KIAA2012: variants seen among roughly 807,000 people sequenced by gnomAD.
KIAA2012 encodes KIAA2012, also known as uncharacterized protein KIAA2012.
In KIAA2012, 125 loss-of-function variants were observed where a neutral mutation model predicts 150.6. The ratio of observed to expected loss-of-function variants is 0.83; its 90% confidence interval spans 0.72 to 0.96. The LOEUF is 0.96. Among genes scored for constraint, KIAA2012 ranks in the 40% least tolerant of loss-of-function variants. The probability of loss-of-function intolerance (pLI) is 0.00; values close to 1 mark genes in which losing one functional copy is unlikely to be tolerated. For missense variants in KIAA2012, 1,219 were observed against 1,354.9 expected (o/e 0.90, Z 1.57); for synonymous variants, 462 against 504.7 (o/e 0.92, Z 1.13).
chr2:202,157,600 T>C (rs1273432860), intron 14 of KIAA2012, among the ~76,000 whole-genome samples: 1 of 152,214 alleles, frequency 6.6e-6, no homozygotes, highest in East Asian at 1.9e-4. Context: ...ATTTATTTAA[T>C]TCATAAAATG....
intron 12 of KIAA2012, chr2:202,125,901 A>G: frequency 2.4e-6 from 1 of 412,396 alleles, no homozygotes; most frequent in Non-Finnish European, 4.7e-6. Flanking sequence ...ATAGTCTTTG[A>G]TTAACAGAGA....
intron 13 of KIAA2012, among the ~76,000 whole-genome samples, chr2:202,144,006 G>C (rs1414174385): frequency 2.0e-5 from 3 of 152,206 alleles, no homozygotes; most frequent in Admixed American, 1.3e-4. Context: ...TGTCAGTAAA[G>C]AGTATCAAAG....
intron 16 of KIAA2012, among the ~76,000 whole-genome samples, chr2:202,185,849 A>C (rs1692217388): frequency 6.6e-6 from 1 of 152,192 alleles, no homozygotes; most frequent in Non-Finnish European, 1.5e-5. Context: ...GACTTCTCGT[A>C]TAGGCTTTTA....
chr2:202,088,086 G>A lies in KIAA2012; in HGVS notation c.370-2684G>A, dbSNP rs529748956. ...TTGCTAGAAACAATGTAAAGTATAG[G>A]GAGGATGCATATGGGCTATACTGTA... On this transcript the variant is annotated intron_variant, in intron 2 of 23. Coordinates refer to ENST00000498697, the MANE Select transcript of KIAA2012 (RefSeq NM_001277372.4). Among the ~76,000 whole-genome samples the A allele has an allele frequency of 8.6e-5, 13 of 152,016 alleles. No individual in the cohort carries two copies. The South Asian group carries it at 2.5e-3, about 29-fold the overall frequency.
chr2:202,124,019 T>C (rs1559212520), intron 11 of KIAA2012, among the ~76,000 whole-genome samples: 3 of 152,036 alleles, frequency 2.0e-5, no homozygotes, highest in South Asian at 4.2e-4. Context: ...TGAAACCCTG[T>C]TTCTACTAAA....
chr2:202,120,867 A>G (rs1690638018), intron 11 of KIAA2012, among the ~76,000 whole-genome samples: 1 of 152,180 alleles, frequency 6.6e-6, no homozygotes, highest in Non-Finnish European at 1.5e-5. Flanking sequence ...AATATTTATA[A>G]AAGGAATAAT....
chr2:202,179,989 C>T (rs1559230243), intron 15 of KIAA2012: 6 of 631,258 alleles, frequency 9.5e-6, no homozygotes, highest in Admixed American at 4.2e-5. Flanking sequence ...GGCTGCCAGC[C>T]GGGTGGGCGC....
intron 11 of KIAA2012, among the ~76,000 whole-genome samples, chr2:202,123,357 CCA>C (rs1420351832): frequency 6.6e-6 from 1 of 152,186 alleles, no homozygotes; most frequent in African/African-American, 2.4e-5. Context: ...TCCGTTTAAT[CCA>C]GAGTGTCTGT....
intron 22 of KIAA2012, among the ~76,000 whole-genome samples, chr2:202,200,315 C>T (rs1256610991): frequency 1.3e-5 from 2 of 152,056 alleles, no homozygotes; most frequent in Non-Finnish European, 2.9e-5. Context: ...TTTCTGGCAC[C>T]AAAACAAATT....
chr2:202,166,988 C>T (rs1318278782), intron 15 of KIAA2012, among the ~76,000 whole-genome samples: 6 of 152,068 alleles, frequency 3.9e-5, no homozygotes, highest in East Asian at 3.9e-4. Flanking sequence ...CTGGCTAACA[C>T]GGTGAAACCC....
At chr2:202,138,529 G>A in intron 13 of KIAA2012, 21 bp downstream of exon 13, 1 of 1,530,150 alleles carries the variant, frequency 6.5e-7, no homozygotes, top group African/African-American at 1.4e-5. Context: ...GACTCTGAAT[G>A]AGGATGACAC....
rs369799090 is a variant in KIAA2012 at position 202,162,416 on chromosome 2, A to G, written c.2047-2868A>G. 2.9e-3 allele frequency among the ~76,000 whole-genome samples: 439 copies of G among 151,830 alleles called. 3 individuals carry two copies. Among genetic ancestry groups the G allele is most frequent in the African/African-American group, 9.9e-3 (412 of 41,420 alleles). ...CAGCCTCCCGAGTAGCTGGGACTAC[A>G]GGCACGCACCACCACACCTGGCTAA... On this transcript the variant is annotated intron_variant, in intron 14 of 23. Coordinates refer to ENST00000498697, the MANE Select transcript of KIAA2012 (RefSeq NM_001277372.4).
At chr2:202,123,548 G>A (rs1690707132) in intron 11 of KIAA2012, among the ~76,000 whole-genome samples, 1 of 152,164 alleles carries the variant, frequency 6.6e-6, no homozygotes, top group African/African-American at 2.4e-5. Flanking sequence ...ACGTGACCGT[G>A]TGTGTGCCCT....
chr2:202,088,396 G>C (rs1689629756), intron 2 of KIAA2012, among the ~76,000 whole-genome samples: 2 of 152,214 alleles, frequency 1.3e-5, no homozygotes, highest in African/African-American at 4.8e-5. Context: ...ACATACCTCA[G>C]CTCATATAAT....
chr2:202,177,491 C>G (rs1460475661), intron 15 of KIAA2012, among the ~76,000 whole-genome samples: 1 of 152,178 alleles, frequency 6.6e-6, no homozygotes, highest in African/African-American at 2.4e-5. Context: ...ATGCAGGTTT[C>G]TTACTGTGTC....
chr2:202,075,223 C>T, intron 2 of KIAA2012, 48 bp downstream of exon 2: 1 of 1,478,428 alleles, frequency 6.8e-7, no homozygotes, highest in Non-Finnish European at 9.0e-7. Flanking sequence ...GGTAGCATGT[C>T]TAGAAACCCA....
At chr2:202,132,778 A>AG (rs1690978592) in intron 12 of KIAA2012, among the ~76,000 whole-genome samples, 1 of 51,720 alleles carries the variant, frequency 1.9e-5, no homozygotes, top group Non-Finnish European at 3.8e-5. Flanking sequence ...ATATATACAT[A>AG]TATATATGCG....
At chr2:202,111,340 C>CAAAAA (rs67625607) in intron 10 of KIAA2012, among the ~76,000 whole-genome samples, 1 of 83,854 alleles carries the variant, frequency 1.2e-5, no homozygotes, top group African/African-American at 5.2e-5. Context: ...ACTAAAAATA[C>CAAAAA]AAAAAAAAAA....
chr2:202,193,215 G>C (rs1226278232), intron 19 of KIAA2012, 86 bp from the exon 20 acceptor site: 1 of 1,299,536 alleles, frequency 7.7e-7, no homozygotes, highest in African/African-American at 1.5e-5. Context: ...TCTTTGATTA[G>C]AGACAACACT....
Sources: allele counts gnomAD v4.1 joint callset (sites outside exome capture counted in the v4.1 genomes callset), GRCh38; gene constraint gnomAD v4.1.1; transcripts MANE v1.5; gene names NCBI Gene and HGNC (gene_info 2026-07-23, HGNC 2026-07-21).